The following CTXND1 variants were observed in gnomAD, a reference collection of about 807,000 sequenced individuals.
CTXND1 encodes the protein cortexin domain containing 1.
chr15:80,219,973 C>T (rs1264440380), intron 1 of CTXND1, among the ~76,000 whole-genome samples: 2 of 152,222 alleles, frequency 1.3e-5, no homozygotes, highest in Non-Finnish European at 2.9e-5. Context: ...CAAATTTGTT[C>T]TTAGAATCCT....
intron 1 of CTXND1, among the ~76,000 whole-genome samples, chr15:80,239,805 T>C (rs1893544341): frequency 6.6e-6 from 1 of 152,226 alleles, no homozygotes; most frequent in Non-Finnish European, 1.5e-5. Context: ...ATGCTCAGGC[T>C]CACTCAAGCC....
At chr15:80,205,719 C>T (rs915431190) in intron 1 of CTXND1, among the ~76,000 whole-genome samples, 1 of 152,186 alleles carries the variant, frequency 6.6e-6, no homozygotes, top group Non-Finnish European at 1.5e-5. Flanking sequence ...CCTAGTCCAA[C>T]TTTTCCACAT....
chr15:80,207,205 A>G (rs377177453), intron 1 of CTXND1, among the ~76,000 whole-genome samples: 5 of 151,176 alleles, frequency 3.3e-5, no homozygotes, highest in African/African-American at 1.2e-4. Flanking sequence ...CATCTGTCCC[A>G]TTTTCTCTCT....
chr15:80,240,041 C>T (rs1223283428), intron 1 of CTXND1, among the ~76,000 whole-genome samples: 2 of 152,344 alleles, frequency 1.3e-5, no homozygotes, highest in East Asian at 3.9e-4. Flanking sequence ...TCTCAGCCCA[C>T]CGCAACCTCC....
intron 1 of CTXND1, among the ~76,000 whole-genome samples, chr15:80,247,794 T>C (rs1390100506): frequency 4.6e-5 from 7 of 151,926 alleles, no homozygotes; most frequent in Admixed American, 4.6e-4. Flanking sequence ...TCTCTGTTCT[T>C]CTGCAGACAC....
intron 1 of CTXND1, among the ~76,000 whole-genome samples, chr15:80,242,736 A>G (rs908961223): frequency 2.6e-5 from 4 of 152,272 alleles, no homozygotes; most frequent in South Asian, 2.1e-4. Context: ...AAGATTGGCT[A>G]CACTGGGGCT....
intron 1 of CTXND1, among the ~76,000 whole-genome samples, chr15:80,207,281 C>T (rs1893156680): frequency 6.7e-6 from 1 of 148,996 alleles, no homozygotes; most frequent in Admixed American, 6.8e-5. Context: ...ATTTGTTATG[C>T]TTTTTTCCTG....
rs1474910018 is a variant in CTXND1 at position 80,252,146 on chromosome 15, C to G, written c.-357G>C. 1 of 151,358 alleles carries G rather than the reference C, an allele frequency of 6.6e-6. No homozygotes were observed. The highest frequency in any genetic ancestry group is 6.6e-5 in the Admixed American group (1 of 15,190). The allele number at this position is 151,358 out of a possible 1,614,324, so 9.4% of individuals were successfully genotyped here. A position where few individuals can be genotyped will look rare whatever the true frequency, so the allele number is the denominator to read the frequency against. Reference sequence around the variant, plus strand: ...GGGCGCGGGGGGCGCTGCCCAGGCCCGGCTCGGCAGGAGTCAGAGCCCCCA... The same window carrying G: ...GGGCGCGGGGGGCGCTGCCCAGGCCGGGCTCGGCAGGAGTCAGAGCCCCCA... On this transcript the variant is annotated 5_prime_UTR_variant, in exon 1 of 3. Coordinates refer to ENST00000560778, the MANE Select transcript of CTXND1 (RefSeq NM_001352888.2).
At chr15:80,206,823 T>C (rs999221414) in intron 1 of CTXND1, among the ~76,000 whole-genome samples, 8 of 152,202 alleles carry the variant, frequency 5.3e-5, no homozygotes, top group African/African-American at 1.9e-4. Context: ...TTATATGTTG[T>C]TTTTGCCCTT....
At chr15:80,203,902 T>G (rs1893114663) in intron 1 of CTXND1, among the ~76,000 whole-genome samples, 162 bp from the exon 2 acceptor site, 1 of 151,654 alleles carries the variant, frequency 6.6e-6, no homozygotes, top group African/African-American at 2.4e-5. Flanking sequence ...ATATAACAAC[T>G]TTCAAGTCTG....
At chr15:80,237,311 G>A (rs1326150038) in intron 1 of CTXND1, among the ~76,000 whole-genome samples, 2 of 149,712 alleles carry the variant, frequency 1.3e-5, no homozygotes, top group African/African-American at 4.9e-5. Context: ...CTCCAACCTG[G>A]GCGACAGAGC....
chr15:80,225,816 G>T (rs1357181472), intron 1 of CTXND1, among the ~76,000 whole-genome samples: 2 of 152,054 alleles, frequency 1.3e-5, no homozygotes, highest in African/African-American at 2.4e-5. Flanking sequence ...TAAATTAGAG[G>T]CCATTTGTTC....
intron 1 of CTXND1, among the ~76,000 whole-genome samples, chr15:80,250,424 T>C (rs1018355218): frequency 1.3e-5 from 2 of 152,200 alleles, no homozygotes; most frequent in African/African-American, 2.4e-5. Context: ...ATCTTAAACA[T>C]GTAATGGCGA....
chr15:80,205,695 C>T (rs989609682), intron 1 of CTXND1, among the ~76,000 whole-genome samples: 15 of 152,202 alleles, frequency 9.9e-5, no homozygotes, highest in Admixed American at 5.9e-4. Context: ...ATCTTTCTTA[C>T]TGTTCCTTAC....
At chr15:80,202,684 A>G (rs1893094100) in intron 2 of CTXND1, among the ~76,000 whole-genome samples, 2 of 152,194 alleles carry the variant, frequency 1.3e-5, no homozygotes, top group Non-Finnish European at 2.9e-5. Context: ...AGAGGAATAG[A>G]CTGAGGAGGG....
chr15:80,251,642 G>A (rs1893697489), intron 1 of CTXND1, among the ~76,000 whole-genome samples: 1 of 152,200 alleles, frequency 6.6e-6, no homozygotes, highest in Admixed American at 6.5e-5. Flanking sequence ...TCAGAACAGC[G>A]AGGGTGCCTG....
intron 1 of CTXND1, among the ~76,000 whole-genome samples, chr15:80,223,242 G>A (rs1380563922): frequency 1.3e-5 from 2 of 151,976 alleles, no homozygotes; most frequent in Non-Finnish European, 2.9e-5. Flanking sequence ...TTTTTAGTAG[G>A]GATGAGGTTT....
chr15:80,250,307 C>A (rs1347507085), intron 1 of CTXND1, among the ~76,000 whole-genome samples: 1 of 151,830 alleles, frequency 6.6e-6, no homozygotes, highest in African/African-American at 2.4e-5. Context: ...TATAAGCAAG[C>A]AGCAATTGAA....
At chr15:80,248,606 C>T (rs866241214) in intron 1 of CTXND1, among the ~76,000 whole-genome samples, 3 of 152,196 alleles carry the variant, frequency 2.0e-5, no homozygotes, top group Non-Finnish European at 4.4e-5. Context: ...TTAGCAATGT[C>T]TGCTCTAGGC....
Sources: gnomAD v4.1 joint callset for allele counts (sites outside exome capture counted in the v4.1 genomes callset) on GRCh38, gnomAD v4.1.1 for gene constraint, MANE v1.5 for transcripts, NCBI Gene and HGNC (gene_info 2026-07-23, HGNC 2026-07-21) for gene names.